CREB5: variants seen among roughly 807,000 people sequenced by gnomAD.
CREB5 encodes cyclic AMP-responsive element-binding protein 5.
CREB5 carries 19 observed loss-of-function variants against 57.1 expected under a neutral mutation model. The observed-to-expected ratio is 0.33, with a 90% confidence interval of 0.23 to 0.49. CREB5 has a LOEUF of 0.49. Among genes scored for constraint, CREB5 ranks in the 20% least tolerant of loss-of-function variants. The probability of loss-of-function intolerance (pLI) is 0.99; values close to 1 mark genes in which losing one functional copy is unlikely to be tolerated. For synonymous variants in CREB5, 238 were observed against 238.3 expected (o/e 1.00, Z 0.01); for missense variants, 579 against 671.6 (o/e 0.86, Z 1.52).
chr7:28,494,181 A>G (rs1390920355), intron 2 of CREB5, among the ~76,000 whole-genome samples: 2 of 152,222 alleles, frequency 1.3e-5, no homozygotes, highest in Non-Finnish European at 2.9e-5. Context: ...GCAAAATTCC[A>G]GTGCTACTGA....
chr7:28,582,899 G>T (rs1409830195), intron 5 of CREB5, among the ~76,000 whole-genome samples: 1 of 152,126 alleles, frequency 6.6e-6, no homozygotes, highest in Non-Finnish European at 1.5e-5. Context: ...ATAACTGATG[G>T]TTTTTTTAAA....
At chr7:28,530,371 C>T (rs1303057377) in intron 4 of CREB5, among the ~76,000 whole-genome samples, 2 of 152,174 alleles carry the variant, frequency 1.3e-5, no homozygotes, top group East Asian at 3.9e-4. Context: ...GGCCGTGGTC[C>T]AGCTGGACCC....
chr7:28,478,274 G>A (rs548735500), intron 1 of CREB5, among the ~76,000 whole-genome samples: 31 of 152,126 alleles, frequency 2.0e-4, no homozygotes, highest in African/African-American at 4.8e-4. Flanking sequence ...GGTACAATAC[G>A]AGCTAGGCAT....
intron 1 of CREB5, among the ~76,000 whole-genome samples, chr7:28,374,108 A>G (rs959834190): frequency 4.6e-5 from 7 of 152,188 alleles, no homozygotes; most frequent in African/African-American, 1.7e-4. Flanking sequence ...GCAAATAAGC[A>G]TATAAAAAGT....
At chr7:28,456,787 T>C (rs1790110267) in intron 1 of CREB5, among the ~76,000 whole-genome samples, 1 of 152,252 alleles carries the variant, frequency 6.6e-6, no homozygotes, top group South Asian at 2.1e-4. Context: ...CTTATTTTAT[T>C]CTTGCTCTCT....
chr7:28,760,478 A>T (rs887446730), intron 7 of CREB5, among the ~76,000 whole-genome samples: 7 of 152,140 alleles, frequency 4.6e-5, no homozygotes, highest in African/African-American at 1.4e-4. Flanking sequence ...TCTTCAACCG[A>T]TGCTGCCTCC....
At chr7:28,300,458 T>A (rs190222084) in intron 1 of CREB5, among the ~76,000 whole-genome samples, 14 of 152,280 alleles carry the variant, frequency 9.2e-5, no homozygotes, top group African/African-American at 3.1e-4. Flanking sequence ...ATAAACAGAT[T>A]CAATTCTACA....
chr7:28,421,311 A>G (rs1476273150), intron 1 of CREB5, among the ~76,000 whole-genome samples: 1 of 152,180 alleles, frequency 6.6e-6, no homozygotes, highest in African/African-American at 2.4e-5. Context: ...GGTGCTACAA[A>G]AACATGATTT....
At chr7:28,779,936 T>C (rs532425013) in intron 7 of CREB5, among the ~76,000 whole-genome samples, 25 of 152,154 alleles carry the variant, frequency 1.6e-4, no homozygotes, top group Non-Finnish European at 3.5e-4. Context: ...TTTTTTGTTT[T>C]TATTTTTTAT....
intron 4 of CREB5, among the ~76,000 whole-genome samples, chr7:28,509,410 T>C (rs890551514): frequency 2.6e-5 from 4 of 152,220 alleles, no homozygotes; most frequent in African/African-American, 9.6e-5. Flanking sequence ...GGAACTGAAA[T>C]ATTTTTCTCC....
chr7:28,433,607 G>C, intron 1 of CREB5, among the ~76,000 whole-genome samples: 1 of 152,122 alleles, frequency 6.6e-6, no homozygotes, highest in South Asian at 2.1e-4. Flanking sequence ...GAGTAGCTGG[G>C]ATTACAGGCA....
upstream of CREB5, chr7:28,410,647 G>C: frequency 2.3e-6 from 1 of 433,202 alleles, no homozygotes; most frequent in Non-Finnish European, 4.7e-6. Context: ...GGACTGGAGC[G>C]GGCTACTTGT....
chr7:28,819,158 C>T lies in CREB5; in HGVS notation c.1406C>T (p.Ser469Phe). ...SPPASPVPAC[S>F]QQQVIQHNTI... ...CCTGCTAGTCCTGTCCCAGCTTGCT[C>T]CCAGCAACAAGTCATCCAGCATAAT... The change falls in exon 11 of 11, where the codon TCC becomes TTC. Residue 469 changes from serine to phenylalanine, a missense_variant. By Grantham distance (155) the Ser-to-Phe change is radical. Coordinates refer to ENST00000357727, the MANE Select transcript of CREB5 (RefSeq NM_182898.4). The T allele has an allele frequency of 1.9e-6, 3 of 1,613,754 alleles. No individual in the cohort carries two copies. Among genetic ancestry groups the T allele is most frequent in the Non-Finnish European group, 1.7e-6 (2 of 1,179,834 alleles).
Position 28,767,236 on chromosome 7 carries a change from C to T in CREB5, c.703-36963C>T, listed in dbSNP as rs187537310. On this transcript the variant is annotated intron_variant, in intron 7 of 10. Transcript: ENST00000357727. ...TTCTTGCTGCCCTGTTCCATGTATGCATTTATTTTTGTTTTTTATTTTCAT... is the reference window on the plus strand; with the variant it reads ...TTCTTGCTGCCCTGTTCCATGTATGTATTTATTTTTGTTTTTTATTTTCAT... Among the ~76,000 whole-genome samples, 195 of 152,238 alleles carry T rather than the reference C, an allele frequency of 1.3e-3. 1 individual carries two copies. The highest frequency in any genetic ancestry group is 4.4e-3 in the African/African-American group (183 of 41,558).
chr7:28,491,508 G>A (rs1177029978), intron 2 of CREB5, among the ~76,000 whole-genome samples: 1 of 152,118 alleles, frequency 6.6e-6, no homozygotes, highest in Non-Finnish European at 1.5e-5. Flanking sequence ...CTGAGGAAAT[G>A]GTTGGACAGA....
chr7:28,428,190 C>T (rs1360277826), intron 1 of CREB5, among the ~76,000 whole-genome samples: 2 of 152,136 alleles, frequency 1.3e-5, no homozygotes, highest in African/African-American at 4.8e-5. Context: ...GGATGGTGTG[C>T]TTGAGGAACT....
chr7:28,446,662 G>T (rs1789488561), intron 1 of CREB5, among the ~76,000 whole-genome samples: 1 of 152,080 alleles, frequency 6.6e-6, no homozygotes, highest in African/African-American at 2.4e-5. Context: ...CGTGGTGGTG[G>T]GTGCCTGTAG....
chr7:28,790,498 AAAAGAAAGAAAAAT>A (rs1044305391), intron 7 of CREB5, among the ~76,000 whole-genome samples: 3 of 151,808 alleles, frequency 2.0e-5, no homozygotes, highest in African/African-American at 4.8e-5. Flanking sequence ...AAGAGAAGGA[AAAAGAAAGAAAAAT>A]AAAGAAAGAA....
intron 7 of CREB5, among the ~76,000 whole-genome samples, chr7:28,765,311 G>A (rs1357076227): frequency 6.6e-6 from 1 of 152,186 alleles, no homozygotes; most frequent in African/African-American, 2.4e-5. Flanking sequence ...AGAAACATAA[G>A]AGTCTGTACT....
Sources: allele counts gnomAD v4.1 joint callset (sites outside exome capture counted in the v4.1 genomes callset), GRCh38; gene constraint gnomAD v4.1.1; transcripts MANE v1.5; gene names NCBI Gene and HGNC (gene_info 2026-07-23, HGNC 2026-07-21).